The following TAOK3 variants were observed in gnomAD, a reference collection of about 807,000 sequenced individuals.
TAOK3 encodes the protein TAO kinase 3.
A neutral mutation model predicts 120.4 loss-of-function variants in TAOK3; 40 were observed. That is an observed-to-expected ratio of 0.33 (90% confidence interval 0.26 to 0.43). The LOEUF (loss-of-function observed/expected upper bound fraction) is 0.43. Among genes scored for constraint, TAOK3 ranks in the 20% least tolerant of loss-of-function variants. The probability of loss-of-function intolerance (pLI) is 1.00; values close to 1 mark genes in which losing one functional copy is unlikely to be tolerated. For missense variants in TAOK3, 821 were observed against 1,112.1 expected (o/e 0.74, Z 3.72); for synonymous variants, 355 against 387.5 (o/e 0.92, Z 0.99).
At chr12:118,312,310 T>C (rs920949239) in intron 1 of TAOK3, among the ~76,000 whole-genome samples, 1 of 151,962 alleles carries the variant, frequency 6.6e-6, no homozygotes, top group Admixed American at 6.6e-5. Context: ...TAAAAAAAAA[T>C]CTAGTCCCTT....
chr12:118,167,174 A>C (rs1028173922), intron 17 of TAOK3, among the ~76,000 whole-genome samples: 6 of 152,144 alleles, frequency 3.9e-5, no homozygotes, highest in Non-Finnish European at 8.8e-5. Context: ...GTGATAGAGA[A>C]AGAGGCTCAA....
rs185339256 is a variant in TAOK3 at position 118,232,671 on chromosome 12, C to T, written c.643+1003G>A. Among the ~76,000 whole-genome samples the T allele has an allele frequency of 3.3e-5, 5 of 152,046 alleles. No individual in the cohort carries two copies. In the East Asian group the frequency reaches 7.7e-4, roughly 23 times the overall value. ...CTATAATCCCAGTGCTTTGGGACCTCGAGGCAGGCAGATCACTTGAGGTTA... is the reference window on the plus strand; with the variant it reads ...CTATAATCCCAGTGCTTTGGGACCTTGAGGCAGGCAGATCACTTGAGGTTA... On this transcript the variant is annotated intron_variant, in intron 9 of 20. Coordinates refer to ENST00000392533, the MANE Select transcript of TAOK3 (RefSeq NM_016281.4).
intron 9 of TAOK3, among the ~76,000 whole-genome samples, chr12:118,216,928 CAAAA>C (rs11298822): frequency 1.1e-5 from 1 of 89,928 alleles, no homozygotes; most frequent in Non-Finnish European, 2.2e-5. Flanking sequence ...GACTCCATCT[CAAAA>C]AAAAAAAAAA....
chr12:118,324,376 T>C (rs2043842407), intron 1 of TAOK3, among the ~76,000 whole-genome samples: 1 of 152,196 alleles, frequency 6.6e-6, no homozygotes, highest in African/African-American at 2.4e-5. Context: ...ATCATTTGTG[T>C]TAGGAACATT....
In TAOK3 at chr12:118,199,577, G is replaced by T. The variant is rs2037919947; in HGVS notation, c.988-320C>A. ...CAGTAAGCAAAATCAAGCCAGGTTT[G>T]TAAGGGACCTTCTGGAACATCAAGG... On this transcript the variant is annotated intron_variant, in intron 12 of 20. Coordinates refer to ENST00000392533, the MANE Select transcript of TAOK3 (RefSeq NM_016281.4). The T allele has an allele frequency of 1.4e-5, 5 of 352,404 alleles. No individual in the cohort carries two copies. In the Admixed American group the frequency reaches 2.1e-4, roughly 15 times the overall value. 21.8% of individuals were successfully genotyped at this position (352,404 alleles called of 1,614,324 possible).
At position 118,150,914 on chromosome 12, in the gene TAOK3, TG is replaced by T; in HGVS notation, c.*82del. On this transcript the variant is annotated 3_prime_UTR_variant, in exon 21 of 21. Transcript: ENST00000392533. ...AGAGTGAGAGCAACGCCCGTTAAAA[TG>T]GGGAATGTGGTTTTGCAGGGTCTGA... The T allele has an allele frequency of 7.4e-7, 1 of 1,349,272 alleles. No homozygotes were observed. The highest frequency in any genetic ancestry group is 1.0e-6 in the Non-Finnish European group (1 of 994,768). The allele number at this position is 1,349,272 out of a possible 1,614,324, so 83.6% of individuals were successfully genotyped here.
intron 1 of TAOK3, among the ~76,000 whole-genome samples, chr12:118,312,721 G>C (rs932021879): frequency 6.6e-6 from 1 of 152,174 alleles, no homozygotes; most frequent in Non-Finnish European, 1.5e-5. Context: ...AGAAACAGGA[G>C]AGTATCACTT....
At chr12:118,263,406 G>T (rs373150882) in intron 2 of TAOK3, among the ~76,000 whole-genome samples, 4 of 152,166 alleles carry the variant, frequency 2.6e-5, no homozygotes, top group African/African-American at 9.7e-5. Flanking sequence ...AGGTACAGGA[G>T]AAAATATTTG....
chr12:118,297,723 A>C (rs2042735189), intron 1 of TAOK3, among the ~76,000 whole-genome samples: 1 of 152,224 alleles, frequency 6.6e-6, no homozygotes, highest in African/African-American at 2.4e-5. Flanking sequence ...GGAGATATCC[A>C]AATTATGTTT....
Position 118,299,780 on chromosome 12 carries a change from A to C in TAOK3, c.-193-33021T>G, listed in dbSNP as rs1203524101. 2.6e-5 allele frequency among the ~76,000 whole-genome samples: 4 copies of C among 151,918 alleles called. No homozygotes were observed. In the East Asian group the frequency reaches 7.7e-4, roughly 29 times the overall value. On this transcript the variant is annotated intron_variant, in intron 1 of 20. Transcript: ENST00000392533. ...CTGCCTTGGTCTCCCATAGTGCTGG[A>C]ATTACAGGCGTGAGCCACCACGCCC...
chr12:118,213,370 C>CA (rs2038724932), intron 10 of TAOK3, among the ~76,000 whole-genome samples: 2 of 152,086 alleles, frequency 1.3e-5, no homozygotes, highest in South Asian at 4.2e-4. Flanking sequence ...ATTCCTCTAC[C>CA]ACCCACAATC....
At chr12:118,311,534 C>T (rs1175458548) in intron 1 of TAOK3, among the ~76,000 whole-genome samples, 2 of 152,178 alleles carry the variant, frequency 1.3e-5, no homozygotes, top group East Asian at 3.8e-4. Flanking sequence ...ATAGGGAAAA[C>T]TCTTATTAGC....
intron 1 of TAOK3, among the ~76,000 whole-genome samples, chr12:118,333,561 TCTACCATA>T (rs1018999951): frequency 3.2e-4 from 48 of 152,012 alleles, no homozygotes; most frequent in African/African-American, 1.1e-3. Flanking sequence ...AACCTAAGTT[TCTACCATA>T]AGAATCCTAG....
At chr12:118,189,784 T>C (rs1593100935) in intron 14 of TAOK3, 23 bp downstream of exon 14, 1 of 1,612,960 alleles carries the variant, frequency 6.2e-7, no homozygotes, top group African/African-American at 1.3e-5. Flanking sequence ...GAAGGGAAGG[T>C]GGGTAGAGGG....
At chr12:118,229,250 A>G (rs2039652843) in intron 9 of TAOK3, among the ~76,000 whole-genome samples, 1 of 151,946 alleles carries the variant, frequency 6.6e-6, no homozygotes. Flanking sequence ...ATAGGCGTGC[A>G]TCACCACACA....
At chr12:118,339,898 C>T (rs1314983926) in intron 1 of TAOK3, among the ~76,000 whole-genome samples, 1 of 152,116 alleles carries the variant, frequency 6.6e-6, no homozygotes, top group East Asian at 1.9e-4. Flanking sequence ...TTCCTCTTTT[C>T]CCAACTTTTA....
intron 9 of TAOK3, among the ~76,000 whole-genome samples, chr12:118,223,340 T>G (rs574572401): frequency 6.6e-6 from 1 of 150,940 alleles, no homozygotes; most frequent in East Asian, 2.0e-4. Flanking sequence ...ATTACAAGCG[T>G]GAGCCACCAC....
At chr12:118,205,269 AG>A (rs2038237393) in intron 11 of TAOK3, among the ~76,000 whole-genome samples, 1 of 151,960 alleles carries the variant, frequency 6.6e-6, no homozygotes, top group Non-Finnish European at 1.5e-5. Flanking sequence ...CGGGAGGCTG[AG>A]GCACGAGAAT....
chr12:118,321,255 AACATACACACAC>A (rs2043692696), intron 1 of TAOK3, among the ~76,000 whole-genome samples: 1 of 151,668 alleles, frequency 6.6e-6, no homozygotes, highest in South Asian at 2.1e-4. Flanking sequence ...CACACACACA[AACATACACACAC>A]ACATTTTTTT....
Sources: gnomAD v4.1 joint callset for allele counts (sites outside exome capture counted in the v4.1 genomes callset) on GRCh38, gnomAD v4.1.1 for gene constraint, MANE v1.5 for transcripts, NCBI Gene and HGNC (gene_info 2026-07-23, HGNC 2026-07-21) for gene names.